Variants in MIB2 observed in about 807,000 individuals in gnomAD.
MIB2 encodes the protein MIB E3 ubiquitin protein ligase 2, also known as E3 ubiquitin-protein ligase MIB2.
Under a neutral mutation model 96.6 loss-of-function variants are expected in MIB2, and 78 were observed. The observed-to-expected ratio is 0.81, with a 90% CI of 0.67 to 0.97. MIB2 has a LOEUF of 0.97. MIB2 is among the 50% of genes least tolerant of loss of function. The probability of loss-of-function intolerance (pLI) is 0.00; values close to 1 mark genes in which losing one functional copy is unlikely to be tolerated. For missense variants in MIB2, 1,543 were observed against 1,424.0 expected, an observed-to-expected ratio of 1.08 and a Z score of -1.35; for synonymous variants, 820 against 629.5, an observed-to-expected ratio of 1.30 and a Z score of -4.53.
chr1:1,626,527 T>TCGGGGC lies in MIB2; in HGVS notation c.973-114_973-109dup, dbSNP rs200908623. 1.5e-5 allele frequency: 12 copies of TCGGGGC among 809,824 alleles called. No individual in the cohort carries two copies. The highest frequency in any genetic ancestry group is 6.1e-5 in the Admixed American group (2 of 33,050). 50.2% of individuals were successfully genotyped at this position (809,824 alleles called of 1,614,324 possible). A position where few individuals can be genotyped will look rare whatever the true frequency, so the allele number is the denominator to read the frequency against. On this transcript the variant is annotated intron_variant, in intron 8 of 19. Coordinates refer to ENST00000355826, the MANE Select transcript of MIB2 (RefSeq NM_001170687.4). This position sits in a 1 kb window ranked among gnomAD's most constrained non-coding sequence, Gnocchi z 5.3. ...CCTCTGGCAGTGCCTGGGGTCGGGG[T>TCGGGGC]CGGGGCCGGGGCCGAGTCAGGCCTG...
In MIB2 at chr1:1,625,378, C is replaced by T. The variant is rs755100424; in HGVS notation, c.814C>T (p.Leu272=). 1.3e-6 allele frequency: 2 copies of T among 1,589,054 alleles called. No individual in the cohort carries two copies. Among genetic ancestry groups the T allele is most frequent in the Non-Finnish European group, 1.7e-6 (2 of 1,168,514 alleles). ...KVKCLLDTDV[L]REMQEGHGGW... is the part of the protein sequence containing the mutation. ...CAAGTGTCTGCTGGACACTGATGTC[C>T]TGCGGGAGATGCAGGAAGGCCACGG... The change falls in exon 7 of 20, where the codon CTG becomes TTG. Residue 272 remains leucine, a synonymous_variant. Transcript: ENST00000355826. This position sits in a 1 kb window ranked among gnomAD's most constrained non-coding sequence, Gnocchi z 5.0.
intron 1 of MIB2, 176 bp downstream of exon 1, chr1:1,615,809 G>T (rs1485858066): frequency 3.8e-6 from 5 of 1,311,496 alleles, no homozygotes; most frequent in Non-Finnish European, 4.9e-6. Context: ...CAGCGCCGCC[G>T]CGGGGCCTCC....
intron 2 of MIB2, among the ~76,000 whole-genome samples, chr1:1,620,412 T>C (rs974710788): frequency 3.3e-5 from 5 of 152,130 alleles, no homozygotes; most frequent in Non-Finnish European, 7.4e-5. Context: ...TGCGGCTGCC[T>C]GTGATGAGCC....
rs764076021 is a variant in MIB2, at chr1:1,627,708, C to G, written c.1559C>G (p.Ala520Gly). 1.3e-6 allele frequency: 2 copies of G among 1,595,322 alleles called. No individual in the cohort carries two copies. Among genetic ancestry groups the G allele is most frequent in the African/African-American group, 1.3e-5 (1 of 74,966 alleles). Residue 520 changes from alanine to glycine, a missense_variant, in exon 13 of 20, where the codon GCT becomes GGT. Ala to Gly is a moderately conservative substitution (Grantham distance 60). Coordinates refer to ENST00000355826, the MANE Select transcript of MIB2 (RefSeq NM_001170687.4). ...QPEATRVLLS[A>G]GCRADAINST... is the part of the protein sequence containing the mutation. ...GAGGCCACCAGGGTGCTCCTGAGTGCTGGGTGCCGGGCGGACGCCATCAAC... is the reference window on the plus strand; with the variant it reads ...GAGGCCACCAGGGTGCTCCTGAGTGGTGGGTGCCGGGCGGACGCCATCAAC...
Position 1,630,316 on chromosome 1 carries a change from C to T in MIB2, c.2654C>T (p.Ala885Val). Residue 885 changes from alanine (A) to valine (V), a missense_variant, in exon 20 of 20, where the codon GCC becomes GTC. Ala to Val is a moderately conservative substitution (Grantham distance 64). Coordinates refer to ENST00000355826, the MANE Select transcript of MIB2 (RefSeq NM_001170687.4). The stretch of plus-strand genomic sequence containing the variant: ...GACGGCTCTGAGGTGGCGAGCGCCG[C>T]CCCCGCCCCCGGCCCGCCGCGCCAG... ...RPDGSEVASA[A>V]PAPGPPRQLV... 4.6e-6 allele frequency: 7 copies of T among 1,526,344 alleles called. No individual in the cohort carries two copies. Among genetic ancestry groups the T allele is most frequent in the Non-Finnish European group, 6.1e-6 (7 of 1,140,816 alleles). The allele number at this position is 1,526,344 out of a possible 1,614,324, so 94.6% of individuals were successfully genotyped here. A position where few individuals can be genotyped will look rare whatever the true frequency, so the allele number is the denominator to read the frequency against.
At position 1,625,861 on chromosome 1, in the gene MIB2, T is replaced by C; in HGVS notation, c.972+208T>C. On this transcript the variant is annotated intron_variant, in intron 8 of 19. Coordinates refer to ENST00000355826, the MANE Select transcript of MIB2 (RefSeq NM_001170687.4). The surrounding 1 kb of genome is among the most constrained non-coding windows in gnomAD (Gnocchi z 5.0). ...GTGTGAAGGAACCCAGAGGAGGGTATGTCTCTGGGAGCTGGAATGGGCAGG... is the reference window on the plus strand; with the variant it reads ...GTGTGAAGGAACCCAGAGGAGGGTACGTCTCTGGGAGCTGGAATGGGCAGG... 3 of 587,564 alleles carry C rather than the reference T, an allele frequency of 5.1e-6. No individual in the cohort carries two copies. Among genetic ancestry groups the C allele is most frequent in the Non-Finnish European group, 9.1e-6 (3 of 328,582 alleles). The allele number at this position is 587,564 out of a possible 1,614,324, so 36.4% of individuals were successfully genotyped here.
chr1:1,626,753 C>T lies in MIB2; in HGVS notation c.1076C>T (p.Pro359Leu), dbSNP rs753162422. Reference sequence around the variant, plus strand: ...GGCGAGTGGACGGACGACATGGCCCCTGTGAGTCCCCCTGCCACCCCCGCC... The same window carrying T: ...GGCGAGTGGACGGACGACATGGCCCTTGTGAGTCCCCCTGCCACCCCCGCC... Reference protein sequence around the residue: ...GHGEWTDDMAPALGRVGKVVK... With the variant: ...GHGEWTDDMALALGRVGKVVK... Residue 359 changes from proline (P) to leucine (L), a missense_variant and splice_region_variant, in exon 9 of 20, where the codon CCT (proline) becomes CTT (leucine). By Grantham distance (98) the Pro-to-Leu change is moderately conservative. Coordinates refer to ENST00000355826, the MANE Select transcript of MIB2 (RefSeq NM_001170687.4). The surrounding 1 kb of genome is among the most constrained non-coding windows in gnomAD (Gnocchi z 5.3). 3.3e-5 allele frequency: 53 copies of T among 1,585,818 alleles called. No homozygotes were observed. The highest frequency in any genetic ancestry group is 4.4e-5 in the Non-Finnish European group (51 of 1,168,818).
chr1:1,627,880 C>G (rs148507537), intron 13 of MIB2, 51 bp downstream of exon 13: 3 of 1,596,502 alleles, frequency 1.9e-6, no homozygotes, highest in Non-Finnish European at 2.5e-6. Context: ...GTGCTTGTCC[C>G]TGGCCTGGGT....
Position 1,629,268 on chromosome 1 carries a change from G to C in MIB2, c.2338G>C (p.Gly780Arg). The C allele has an allele frequency of 1.3e-6, 2 of 1,545,068 alleles. No individual in the cohort carries two copies. The highest frequency in any genetic ancestry group is 1.7e-6 in the Non-Finnish European group (2 of 1,157,418). Residue 780 changes from glycine to arginine, a missense_variant, in exon 17 of 20, where the codon GGT becomes CGT. By Grantham distance (125) the Gly-to-Arg change is moderately radical (BLOSUM62 -2). Coordinates refer to ENST00000355826, the MANE Select transcript of MIB2 (RefSeq NM_001170687.4). ...GAGCCCGCTGGACCTGGCCGCCGAG[G>C]GTCGCGTGCTCAAGGCCCTTCAGGG... ...GRSPLDLAAE[G>R]RVLKALQGCA...
chr1:1,616,822 T>G (rs1643760905), intron 2 of MIB2: 1 of 516,338 alleles, frequency 1.9e-6, no homozygotes, highest in Non-Finnish European at 3.4e-6. Context: ...GATAGGCACC[T>G]GCAGGATTGG....
chr1:1,616,659 T>C (rs1220124293), intron 2 of MIB2, 45 bp downstream of exon 2: 1 of 1,491,226 alleles, frequency 6.7e-7, no homozygotes, highest in Non-Finnish European at 9.1e-7. Context: ...CACTTGGCTC[T>C]CCCACTTTGG....
Position 1,626,784 on chromosome 1 carries a change from C to T in MIB2, c.1077+30C>T, listed in dbSNP as rs776255248. The T allele has an allele frequency of 1.1e-5, 18 of 1,582,570 alleles. No individual in the cohort carries two copies. The highest frequency in any genetic ancestry group is 2.3e-5 in the South Asian group (2 of 88,872). On this transcript the variant is annotated intron_variant, in intron 9 of 19. Transcript: ENST00000355826. This position sits in a 1 kb window ranked among gnomAD's most constrained non-coding sequence, Gnocchi z 5.3. ...GTCCCCCTGCCACCCCCGCCGCTAG[C>T]GCCGCTGCCCCCCACACCTGCAGCC...
rs1010927223 is a variant in MIB2, at chr1:1,626,222, A to G, written c.973-428A>G. 2 of 213,678 alleles carry G rather than the reference A, an allele frequency of 9.4e-6. No individual in the cohort carries two copies. The highest frequency in any genetic ancestry group is 1.1e-4 in the South Asian group (1 of 9,172). 13.2% of individuals were successfully genotyped at this position (213,678 alleles called of 1,614,324 possible). A position where few individuals can be genotyped will look rare whatever the true frequency, so the allele number is the denominator to read the frequency against. On this transcript the variant is annotated intron_variant, in intron 8 of 19. Coordinates refer to ENST00000355826, the MANE Select transcript of MIB2 (RefSeq NM_001170687.4). This position sits in a 1 kb window ranked among gnomAD's most constrained non-coding sequence, Gnocchi z 5.3. ...TGAGGAGGCGCCGAAGGGAGTCATGAGACGGGCTTGTAGAGTGAGTTCCCT... is the reference window on the plus strand; with the variant it reads ...TGAGGAGGCGCCGAAGGGAGTCATGGGACGGGCTTGTAGAGTGAGTTCCCT...
chr1:1,630,333 C>T lies in MIB2; in HGVS notation c.2671C>T (p.Pro891Ser). 1 of 1,534,574 alleles carries T rather than the reference C, an allele frequency of 6.5e-7. No homozygotes were observed. The highest frequency in any genetic ancestry group is 8.7e-7 in the Non-Finnish European group (1 of 1,143,784). ...GAGCGCCGCCCCCGCCCCCGGCCCG[C>T]CGCGCCAGCTGGTGGAGGAGCTGCA... ...VASAAPAPGPPRQLVEELQSR... is the reference protein window; with the variant it reads ...VASAAPAPGPSRQLVEELQSR... Residue 891 changes from proline (P) to serine (S), a missense_variant, in exon 20 of 20, where the codon CCG becomes TCG. Physicochemically the swap from Pro to Ser is moderately conservative, Grantham distance 74. Coordinates refer to ENST00000355826, the MANE Select transcript of MIB2 (RefSeq NM_001170687.4).
Position 1,623,553 on chromosome 1 carries a change from G to A in MIB2, c.101G>A (p.Gly34Asp), listed in dbSNP as rs1464783542. ...CAGGACGGCGGCGAGGGCGGCGTGG[G>A]CACGGTGGTGGAGCTTGGCCGCCAC... is the stretch of plus-strand genomic sequence containing the variant. ...GQQDGGEGGV[G>D]TVVELGRHGS... is the part of the protein sequence containing the mutation. The change falls in exon 3 of 20, where the codon GGC becomes GAC. Residue 34 changes from glycine to aspartate, a missense_variant. Gly to Asp is a moderately conservative substitution (Grantham distance 94). Transcript: ENST00000355826. The A allele has an allele frequency of 2.0e-6, 3 of 1,531,232 alleles. No homozygotes were observed. Among genetic ancestry groups the A allele is most frequent in the East Asian group, 2.5e-5 (1 of 40,798 alleles). 94.9% of individuals were successfully genotyped at this position (1,531,232 alleles called of 1,614,324 possible).
intron 1 of MIB2, 98 bp downstream of exon 1, chr1:1,615,731 C>T (rs140809077): frequency 6.7e-7 from 1 of 1,487,072 alleles, no homozygotes; most frequent in Non-Finnish European, 8.9e-7. Flanking sequence ...TTCCCGCTCC[C>T]GCTGGCCCAG....
intron 2 of MIB2, among the ~76,000 whole-genome samples, chr1:1,619,978 C>T (rs1334875114): frequency 6.6e-6 from 1 of 152,244 alleles, no homozygotes; most frequent in Non-Finnish European, 1.5e-5. Context: ...GGCTGATGGC[C>T]TTGGCACTCC....
rs745942406 is a variant in MIB2, at chr1:1,629,680, G to A, written c.2605G>A (p.Val869Ile). 45 of 1,599,866 alleles carry A rather than the reference G, an allele frequency of 2.8e-5. No homozygotes were observed. The highest frequency in any genetic ancestry group is 1.4e-4 in the Admixed American group (8 of 58,788). Residue 869 changes from valine (V) to isoleucine (I), a missense_variant, in exon 19 of 20, where the codon GTC becomes ATC. Val to Ile is a conservative substitution (Grantham distance 29). Transcript: ENST00000355826. Reference protein sequence around the residue: ...RMKKCIRCQVVVSKKLRPDGS... With the variant: ...RMKKCIRCQVIVSKKLRPDGS... The stretch of plus-strand genomic sequence containing the variant: ...GAAGAAGTGCATCAGGTGCCAGGTG[G>A]TCGTCAGCAAGAAACTGCGCCCAGG...
In MIB2 at chr1:1,625,161, T is replaced by C; in HGVS notation, c.697T>C (p.Tyr233His). ...CVGEAAGGFY[Y>H]KDHLPRLGKP... ...GGGCGAGGCAGCGGGCGGCTTCTAC[T>C]ACAAGGACCACCTCCCAAGGCTCGG... The change falls in exon 6 of 20, where the codon TAC becomes CAC. Residue 233 changes from tyrosine to histidine, a missense_variant. By Grantham distance (83) the Tyr-to-His change is moderately conservative. Coordinates refer to ENST00000355826, the MANE Select transcript of MIB2 (RefSeq NM_001170687.4). This position sits in a 1 kb window ranked among gnomAD's most constrained non-coding sequence, Gnocchi z 5.0. 1 of 1,611,822 alleles carries C rather than the reference T, an allele frequency of 6.2e-7. No individual in the cohort carries two copies. The highest frequency in any genetic ancestry group is 8.5e-7 in the Non-Finnish European group (1 of 1,179,158).
Sources: allele counts gnomAD v4.1 joint callset (sites outside exome capture counted in the v4.1 genomes callset), GRCh38; gene constraint gnomAD v4.1.1; non-coding constraint Gnocchi (gnomAD v3.1); transcripts MANE v1.5; gene names NCBI Gene and HGNC (gene_info 2026-07-23, HGNC 2026-07-21).